Variants in LRMDA observed in about 807,000 individuals in gnomAD.
LRMDA encodes leucine-rich melanocyte differentiation-associated protein.
Under a neutral mutation model 29.8 loss-of-function variants are expected in LRMDA, and 18 were observed. That is an observed-to-expected ratio of 0.60 (90% CI 0.42 to 0.90). The LOEUF is 0.90. LRMDA is among the 40% of genes least tolerant of loss of function. The probability of loss-of-function intolerance (pLI) is 0.00; values close to 1 mark genes in which losing one functional copy is unlikely to be tolerated. For missense variants in LRMDA, 273 were observed against 273.9 expected (o/e 1.00, Z 0.02); for synonymous variants, 125 against 109.4 (o/e 1.14, Z -0.89).
chr10:75,453,520 G>A lies in LRMDA; in HGVS notation c.131+15026G>A, dbSNP rs151188041. ...TTTCAAATACAGTGCTGTTTGCAAAGGTGCCATTTTTTTCCCGAAGACTTT... is the reference window on the plus strand; with the variant it reads ...TTTCAAATACAGTGCTGTTTGCAAAAGTGCCATTTTTTTCCCGAAGACTTT... On this transcript the variant is annotated intron_variant, in intron 2 of 6. Transcript: ENST00000611255. Among the ~76,000 whole-genome samples the A allele has an allele frequency of 3.2e-3, 494 of 152,302 alleles. 2 individuals are homozygous for A. Among genetic ancestry groups the A allele is most frequent in the African/African-American group, 0.011 (459 of 41,564 alleles).
At chr10:76,005,631 A>T (rs185548426) in intron 2 of LRMDA, among the ~76,000 whole-genome samples, 97 of 151,180 alleles carry the variant, frequency 6.4e-4, no homozygotes, top group Non-Finnish European at 1.3e-3. Flanking sequence ...GTAAATACCT[A>T]AAAAAAATAA....
chr10:76,427,768 G>A (rs1842144935), intron 6 of LRMDA, among the ~76,000 whole-genome samples: 2 of 152,172 alleles, frequency 1.3e-5, no homozygotes, highest in Admixed American at 1.3e-4. Context: ...ATTATTTTGA[G>A]ATAAGTCCCA....
At chr10:75,717,762 A>G (rs1842518857) in intron 2 of LRMDA, among the ~76,000 whole-genome samples, 2 of 152,190 alleles carry the variant, frequency 1.3e-5, no homozygotes, top group Admixed American at 1.3e-4. Context: ...TAGAGTGTTC[A>G]TGGAAATTGG....
At chr10:76,143,379 C>T (rs1380591529) in intron 5 of LRMDA, among the ~76,000 whole-genome samples, 2 of 151,428 alleles carry the variant, frequency 1.3e-5, no homozygotes, top group Admixed American at 1.3e-4. Flanking sequence ...TTAATGATTG[C>T]CATTCTAACT....
At chr10:76,349,741 A>G (rs148103404) in intron 6 of LRMDA, among the ~76,000 whole-genome samples, 131 of 152,276 alleles carry the variant, frequency 8.6e-4, no homozygotes, top group Non-Finnish European at 1.4e-3. Context: ...CTGAAAAGCT[A>G]TTTCAATGGG....
intron 2 of LRMDA, among the ~76,000 whole-genome samples, chr10:75,923,869 G>A (rs2132392493): frequency 6.6e-6 from 1 of 152,196 alleles, no homozygotes; most frequent in Middle Eastern, 3.4e-3. Context: ...ACTCACTACG[G>A]CCTAGGACCA....
intron 2 of LRMDA, among the ~76,000 whole-genome samples, chr10:75,606,387 G>A (rs144689097): frequency 1.1e-3 from 168 of 152,248 alleles, no homozygotes; most frequent in African/African-American, 3.9e-3. Flanking sequence ...TTAAAACAAA[G>A]GTGCAGTGAA....
intron 2 of LRMDA, among the ~76,000 whole-genome samples, chr10:75,734,074 TGAG>T (rs1163890383): frequency 6.6e-6 from 1 of 152,172 alleles, no homozygotes; most frequent in African/African-American, 2.4e-5. Flanking sequence ...GCATGTTAGT[TGAG>T]GAGCCCAAGA....
chr10:76,425,146 A>G (rs1365769849), intron 6 of LRMDA, among the ~76,000 whole-genome samples: 1 of 152,192 alleles, frequency 6.6e-6, no homozygotes, highest in African/African-American at 2.4e-5. Context: ...TACCATTTCC[A>G]CTATAACAGA....
chr10:76,360,857 TG>T (rs1422047592), intron 6 of LRMDA, among the ~76,000 whole-genome samples: 1 of 152,208 alleles, frequency 6.6e-6, no homozygotes, highest in Non-Finnish European at 1.5e-5. Context: ...CAGATACCCC[TG>T]GAAGAGAGGT....
intron 5 of LRMDA, among the ~76,000 whole-genome samples, chr10:76,226,574 A>T (rs766968149): frequency 4.1e-4 from 63 of 152,132 alleles, no homozygotes; most frequent in Non-Finnish European, 6.2e-4. Context: ...CAAGAGCAAA[A>T]CTCCATCTGC....
At chr10:75,809,671 T>C (rs910125976) in intron 2 of LRMDA, among the ~76,000 whole-genome samples, 1 of 151,906 alleles carries the variant, frequency 6.6e-6, no homozygotes, top group Non-Finnish European at 1.5e-5. Flanking sequence ...AAGACAGACA[T>C]GGACCCTGGA....
chr10:76,484,263 T>C (rs1186338320), intron 6 of LRMDA, among the ~76,000 whole-genome samples: 2 of 151,774 alleles, frequency 1.3e-5, no homozygotes, highest in African/African-American at 4.8e-5. Context: ...ATTCTTCTTT[T>C]CCTCCAATTT....
At chr10:76,503,803 A>G (rs917741799) in intron 6 of LRMDA, among the ~76,000 whole-genome samples, 2 of 149,272 alleles carry the variant, frequency 1.3e-5, no homozygotes, top group African/African-American at 2.4e-5. Flanking sequence ...GATCTTTTGC[A>G]TGGATTTTTG....
chr10:75,640,838 A>G (rs1331379879), intron 2 of LRMDA, among the ~76,000 whole-genome samples: 1 of 152,154 alleles, frequency 6.6e-6, no homozygotes, highest in East Asian at 1.9e-4. Flanking sequence ...TTTTTCCCCC[A>G]TGCCAGTTTG....
At chr10:75,635,607 G>A (rs1397276566) in intron 2 of LRMDA, among the ~76,000 whole-genome samples, 2 of 152,050 alleles carry the variant, frequency 1.3e-5, no homozygotes, top group African/African-American at 4.8e-5. Context: ...GGCCCAAAGT[G>A]GAATGTTTCT....
chr10:76,557,402 A>G lies in LRMDA; in HGVS notation c.*114A>G, dbSNP rs1372993046. On this transcript the variant is annotated 3_prime_UTR_variant, in exon 7 of 7. Transcript: ENST00000611255. Reference sequence around the variant, plus strand: ...AGCCCACATTGCCTCTCTTTGGGAAAAGCTATGACTTCAGCTTTTGGTACC... The same window carrying G: ...AGCCCACATTGCCTCTCTTTGGGAAGAGCTATGACTTCAGCTTTTGGTACC... 7.0e-6 allele frequency: 6 copies of G among 852,642 alleles called. No individual in the cohort carries two copies. Among genetic ancestry groups the G allele is most frequent in the Non-Finnish European group, 1.1e-5 (6 of 531,576 alleles). The allele number at this position is 852,642 out of a possible 1,614,324, so 52.8% of individuals were successfully genotyped here.
chr10:76,366,626 A>G (rs769031587), intron 6 of LRMDA, among the ~76,000 whole-genome samples: 31 of 152,168 alleles, frequency 2.0e-4, no homozygotes, highest in Non-Finnish European at 3.7e-4. Context: ...TTGCTGAATT[A>G]TTTTATCAGT....
At chr10:75,902,912 C>T (rs1467517795) in intron 2 of LRMDA, among the ~76,000 whole-genome samples, 1 of 152,140 alleles carries the variant, frequency 6.6e-6, no homozygotes, top group African/African-American at 2.4e-5. Context: ...CTCCCACCCT[C>T]TGGCCAGAGA....
Sources: gnomAD v4.1 joint callset for allele counts (sites outside exome capture counted in the v4.1 genomes callset) on GRCh38, gnomAD v4.1.1 for gene constraint, MANE v1.5 for transcripts, NCBI Gene and HGNC (gene_info 2026-07-23, HGNC 2026-07-21) for gene names.